BBOF1: variants seen among roughly 807,000 people sequenced by gnomAD.
BBOF1 encodes the protein basal body orientation factor 1.
BBOF1 carries 62 observed loss-of-function variants against 68.0 expected under a neutral mutation model. That is an observed-to-expected ratio of 0.91 (90% CI 0.74 to 1.13). The LOEUF is 1.13. Among genes scored for constraint, BBOF1 ranks in the 50% most tolerant of loss-of-function variants. The probability of loss-of-function intolerance (pLI) is 0.00; values close to 1 mark genes in which losing one functional copy is unlikely to be tolerated. For synonymous variants in BBOF1, 208 were observed against 198.8 expected (o/e 1.05, Z -0.39); for missense variants, 534 against 600.1 (o/e 0.89, Z 1.15).
At chr14:74,047,633 C>T (rs1450773395) in intron 6 of BBOF1, among the ~76,000 whole-genome samples, 2 of 151,964 alleles carry the variant, frequency 1.3e-5, no homozygotes, top group African/African-American at 4.8e-5. Context: ...GAGATTGGGT[C>T]TCACTATGTT....
At chr14:74,050,596 C>T (rs1339776680) in intron 8 of BBOF1, among the ~76,000 whole-genome samples, 17 of 152,048 alleles carry the variant, frequency 1.1e-4, no homozygotes, top group East Asian at 1.9e-4. Context: ...GGTCTCACTA[C>T]GTTGCCCAGG....
In BBOF1 at chr14:74,041,318, C is replaced by T. The variant is rs574103398; in HGVS notation, c.576+673C>T. ...ACTCCTTCTCAAATAAAAAAAAGTT[C>T]CTTAGCACAACACAGCTTCCAACTC... On this transcript the variant is annotated intron_variant, in intron 5 of 11. Coordinates refer to ENST00000394009, the MANE Select transcript of BBOF1 (RefSeq NM_025057.3). Among the ~76,000 whole-genome samples the T allele has an allele frequency of 2.0e-5, 3 of 152,160 alleles. No individual in the cohort carries two copies. In the South Asian group the frequency reaches 6.2e-4, roughly 32 times the overall value.
intron 9 of BBOF1, among the ~76,000 whole-genome samples, chr14:74,056,059 TCTCA>T (rs2060194607): frequency 6.6e-6 from 1 of 150,650 alleles, no homozygotes; most frequent in South Asian, 2.1e-4. Context: ...TGAGATGGGG[TCTCA>T]CTCTGTCACC....
At chr14:74,025,022 C>G (rs2059393940) in intron 2 of BBOF1, among the ~76,000 whole-genome samples, 1 of 152,118 alleles carries the variant, frequency 6.6e-6, no homozygotes, top group African/African-American at 2.4e-5. Flanking sequence ...CCCACCTCAC[C>G]CTCCCAAAGT....
At chr14:74,067,514 T>C (rs376852895), downstream of BBOF1, 61 of 1,614,026 alleles carry the variant, frequency 3.8e-5, no homozygotes, top group Non-Finnish European at 4.9e-5. Flanking sequence ...AACCAGCTGG[T>C]TCAGGGTATT....
intron 4 of BBOF1, among the ~76,000 whole-genome samples, chr14:74,035,584 A>ATTT (rs71460945): frequency 0.085 from 6,887 of 81,284 alleles, 762 homozygotes; most frequent in African/African-American, 0.12. Flanking sequence ...CCCCCAGCTA[A>ATTT]TTTTTTTTTT....
At chr14:74,062,745 C>G (rs1246474911) in intron 11 of BBOF1, among the ~76,000 whole-genome samples, 4 of 151,970 alleles carry the variant, frequency 2.6e-5, no homozygotes, top group Non-Finnish European at 5.9e-5. Flanking sequence ...TTTAATAACC[C>G]AAACATAAAT....
At chr14:74,043,361 T>C (rs1388786038) in intron 5 of BBOF1, among the ~76,000 whole-genome samples, 1 of 149,376 alleles carries the variant, frequency 6.7e-6, no homozygotes, top group Non-Finnish European at 1.5e-5. Flanking sequence ...CCATCCTGGC[T>C]AACAAGGTGA....
intron 2 of BBOF1, among the ~76,000 whole-genome samples, chr14:74,025,454 T>A (rs2059402072): frequency 6.6e-6 from 1 of 152,244 alleles, no homozygotes; most frequent in Non-Finnish European, 1.5e-5. Flanking sequence ...AAATGTTATG[T>A]TGTTAAACTT....
At chr14:74,075,131 A>G in intron 9 of BBOF1, 1 of 892,586 alleles carries the variant, frequency 1.1e-6, no homozygotes, top group Non-Finnish European at 1.8e-6. Context: ...TGTTTCTCTC[A>G]AAGGCCATAC....
intron 12 of BBOF1, among the ~76,000 whole-genome samples, chr14:74,081,643 T>C (rs933953721): frequency 8.5e-5 from 13 of 152,144 alleles, no homozygotes; most frequent in Admixed American, 2.6e-4. Context: ...ATATCCTTTA[T>C]AAGGAACTCC....
chr14:74,059,985 G>C (rs562265746), intron 11 of BBOF1: 9 of 154,694 alleles, frequency 5.8e-5, no homozygotes, highest in African/African-American at 1.9e-4. Context: ...CTTGTGTATT[G>C]TGGGATAAAA....
At chr14:74,021,465 C>A (rs116176810) in intron 1 of BBOF1, among the ~76,000 whole-genome samples, 4,471 of 151,968 alleles carry the variant, frequency 0.029, 224 homozygotes, top group African/African-American at 0.1. Flanking sequence ...TAACTCATGC[C>A]TGTAGTCACA....
chr14:74,059,795 A>T (rs1281634792), intron 11 of BBOF1: 1 of 155,700 alleles, frequency 6.4e-6, no homozygotes, highest in Non-Finnish European at 1.4e-5. Flanking sequence ...CTTGGCACAT[A>T]TAACAAAAAG....
chr14:74,066,692 G>A, downstream of BBOF1: 4 of 1,612,742 alleles, frequency 2.5e-6, no homozygotes, highest in Non-Finnish European at 3.4e-6. Flanking sequence ...TTTGTGAAGT[G>A]AAAGTTGTTC....
chr14:74,058,852 AG>A (rs2060277309), intron 11 of BBOF1: 1 of 152,846 alleles, frequency 6.5e-6, no homozygotes, highest in Non-Finnish European at 1.5e-5. Flanking sequence ...TGGGAGGCCA[AG>A]GCAGGCAGAT....
At chr14:74,027,214 T>C (rs1458609767) in intron 2 of BBOF1, among the ~76,000 whole-genome samples, 1 of 149,718 alleles carries the variant, frequency 6.7e-6, no homozygotes, top group East Asian at 2.0e-4. Context: ...GCATCCTGAG[T>C]AGCTGAGACT....
chr14:74,031,346 TA>T (rs1470474961), intron 3 of BBOF1, among the ~76,000 whole-genome samples: 1 of 152,080 alleles, frequency 6.6e-6, no homozygotes, highest in Admixed American at 6.6e-5. Flanking sequence ...CTCCTGGCCT[TA>T]AGCGATCCTT....
chr14:74,027,082 C>CTTTT (rs1189972161), intron 2 of BBOF1, among the ~76,000 whole-genome samples: 27 of 88,184 alleles, frequency 3.1e-4, no homozygotes, highest in South Asian at 5.1e-4. Flanking sequence ...GAAAGGAAGC[C>CTTTT]TTTTTTTTTT....
Sources: allele counts gnomAD v4.1 joint callset (sites outside exome capture counted in the v4.1 genomes callset), GRCh38; gene constraint gnomAD v4.1.1; transcripts MANE v1.5; gene names NCBI Gene and HGNC (gene_info 2026-07-23, HGNC 2026-07-21).